The following ADGRL4 variants were observed in gnomAD, a reference collection of about 807,000 sequenced individuals.
ADGRL4 encodes the protein adhesion G protein-coupled receptor L4.
Under a neutral mutation model 74.8 loss-of-function variants are expected in ADGRL4, and 90 were observed. The ratio of observed to expected loss-of-function variants is 1.20; its 90% CI spans 1.02 to 1.43. The LOEUF (loss-of-function observed/expected upper bound fraction) is 1.43, where lower values mean the gene tolerates loss of function less well. ADGRL4 is among the 40% of genes most tolerant of loss of function. The pLI is 0.00. For synonymous variants in ADGRL4, 311 were observed against 279.2 expected (o/e 1.11, Z -1.14); for missense variants, 881 against 814.3 (o/e 1.08, Z -1.00).
chr1:78,974,031 A>G (rs1395771786), intron 2 of ADGRL4, among the ~76,000 whole-genome samples: 2 of 152,102 alleles, frequency 1.3e-5, no homozygotes, highest in Non-Finnish European at 2.9e-5. Context: ...GTGCAAGAGC[A>G]CACACACACC....
At chr1:78,906,170 C>T (rs1468145954) in intron 12 of ADGRL4, among the ~76,000 whole-genome samples, 1 of 151,944 alleles carries the variant, frequency 6.6e-6, no homozygotes, top group African/African-American at 2.4e-5. Context: ...AATTCTTAGT[C>T]AACTAGTTGG....
intron 12 of ADGRL4, among the ~76,000 whole-genome samples, chr1:78,911,898 G>A (rs1202668237): frequency 6.6e-6 from 1 of 151,798 alleles, no homozygotes; most frequent in African/African-American, 2.4e-5. Context: ...CCCAAGGCTA[G>A]GCGTAGAAAA....
chr1:78,890,876 A>G lies in ADGRL4; in HGVS notation c.*278T>C, dbSNP rs981694276. 1.1e-5 allele frequency: 4 copies of G among 379,062 alleles called. No individual in the cohort carries two copies. Among genetic ancestry groups the G allele is most frequent in the Non-Finnish European group, 1.5e-5 (3 of 205,276 alleles). 23.5% of individuals were successfully genotyped at this position (379,062 alleles called of 1,614,324 possible). A position where few individuals can be genotyped will look rare whatever the true frequency, so the allele number is the denominator to read the frequency against. ...AGAAAGAAAATCTTTCCTTGGGTGC[A>G]GTGATATCACTCCTGAGAAACCAAT... On this transcript the variant is annotated 3_prime_UTR_variant, in exon 15 of 15. Coordinates refer to ENST00000370742, the MANE Select transcript of ADGRL4 (RefSeq NM_022159.4).
chr1:78,919,831 G>A (rs1232932425), intron 10 of ADGRL4, among the ~76,000 whole-genome samples: 1 of 152,020 alleles, frequency 6.6e-6, no homozygotes, highest in Non-Finnish European at 1.5e-5. Context: ...TTTATGTTCA[G>A]TCCCTATTCT....
intron 2 of ADGRL4, among the ~76,000 whole-genome samples, chr1:79,002,841 A>G (rs1570283053): frequency 6.6e-6 from 1 of 152,134 alleles, no homozygotes; most frequent in South Asian, 2.1e-4. Flanking sequence ...AAATTAAAAA[A>G]TGATTAAATT....
At chr1:78,895,205 T>A (rs1648368253) in intron 12 of ADGRL4, among the ~76,000 whole-genome samples, 1 of 152,076 alleles carries the variant, frequency 6.6e-6, no homozygotes, top group Admixed American at 6.6e-5. Flanking sequence ...AGTTTCATGT[T>A]ATCCAAAAAT....
intron 2 of ADGRL4, among the ~76,000 whole-genome samples, chr1:78,950,933 T>G (rs1047328703): frequency 2.0e-5 from 3 of 152,154 alleles, no homozygotes; most frequent in Non-Finnish European, 2.9e-5. Context: ...TTGATGTGCC[T>G]TAATTAACTG....
At chr1:78,911,536 G>A (rs1156469539) in intron 12 of ADGRL4, among the ~76,000 whole-genome samples, 1 of 151,586 alleles carries the variant, frequency 6.6e-6, no homozygotes, top group Non-Finnish European at 1.5e-5. Context: ...TATAAAAACA[G>A]ACACACGTAT....
chr1:78,992,338 T>C (rs906778107), intron 2 of ADGRL4, among the ~76,000 whole-genome samples: 2 of 152,086 alleles, frequency 1.3e-5, no homozygotes, highest in Admixed American at 6.6e-5. Flanking sequence ...AAATTATGTA[T>C]CTGAATGTAA....
intron 3 of ADGRL4, among the ~76,000 whole-genome samples, chr1:78,941,678 C>A (rs528363754): frequency 6.6e-6 from 1 of 152,070 alleles, no homozygotes. Context: ...GCACTTTGAA[C>A]TTAAATGTCC....
At chr1:78,982,772 T>A (rs1021901735) in intron 2 of ADGRL4, among the ~76,000 whole-genome samples, 3 of 151,540 alleles carry the variant, frequency 2.0e-5, no homozygotes, top group African/African-American at 7.3e-5. Context: ...AGATAAAAAT[T>A]AGGGGTGTAA....
intron 10 of ADGRL4, among the ~76,000 whole-genome samples, chr1:78,919,384 G>C (rs1468926223): frequency 6.6e-6 from 1 of 151,906 alleles, no homozygotes; most frequent in African/African-American, 2.4e-5. Flanking sequence ...ACTGCTGTGA[G>C]AGAAAAAGGA....
At chr1:78,989,201 T>C (rs1374129436) in intron 2 of ADGRL4, among the ~76,000 whole-genome samples, 3 of 151,812 alleles carry the variant, frequency 2.0e-5, no homozygotes, top group Non-Finnish European at 4.4e-5. Context: ...ATTAAACTAT[T>C]TCAAGAATTT....
chr1:78,924,752 A>T (rs1649077000), intron 8 of ADGRL4, among the ~76,000 whole-genome samples: 1 of 152,126 alleles, frequency 6.6e-6, no homozygotes, highest in Admixed American at 6.6e-5. Flanking sequence ...TCCATGATTC[A>T]GTTGTGAATA....
intron 12 of ADGRL4, among the ~76,000 whole-genome samples, chr1:78,911,842 G>A (rs550644383): frequency 9.9e-5 from 15 of 151,860 alleles, no homozygotes; most frequent in Middle Eastern, 3.4e-3. Context: ...TACCATAGCC[G>A]TGTTATGTAG....
intron 12 of ADGRL4, among the ~76,000 whole-genome samples, chr1:78,898,250 A>G (rs1352212168): frequency 2.0e-5 from 3 of 152,270 alleles, no homozygotes; most frequent in African/African-American, 4.8e-5. Context: ...TATCAGCACT[A>G]TGTTTATATG....
At chr1:78,904,121 T>C (rs972921697) in intron 12 of ADGRL4, among the ~76,000 whole-genome samples, 2 of 151,866 alleles carry the variant, frequency 1.3e-5, no homozygotes, top group Admixed American at 6.6e-5. Flanking sequence ...TTTCAATGTA[T>C]TCCTTTATAT....
At chr1:78,950,300 G>T (rs1244380626) in intron 2 of ADGRL4, among the ~76,000 whole-genome samples, 1 of 152,094 alleles carries the variant, frequency 6.6e-6, no homozygotes, top group Non-Finnish European at 1.5e-5. Flanking sequence ...GCGTAATTTA[G>T]AGGAGGATTG....
intron 8 of ADGRL4, among the ~76,000 whole-genome samples, chr1:78,923,387 T>A (rs1282429019): frequency 6.6e-6 from 1 of 152,174 alleles, no homozygotes; most frequent in South Asian, 2.1e-4. Context: ...CAAAATAAAC[T>A]GCTTTTGGGT....
Sources: gnomAD v4.1 joint callset for allele counts (sites outside exome capture counted in the v4.1 genomes callset) on GRCh38, gnomAD v4.1.1 for gene constraint, MANE v1.5 for transcripts, NCBI Gene and HGNC (gene_info 2026-07-23, HGNC 2026-07-21) for gene names.